Variants in TCF4 observed in about 807,000 individuals in gnomAD.
The protein encoded by TCF4 is transcription factor 4, also known as SL3-3 enhancer factor 2.
A neutral mutation model predicts 82.1 loss-of-function variants in TCF4; 3 were observed. The ratio of observed to expected loss-of-function variants is 0.04; its 90% CI spans 0.02 to 0.09. TCF4 has a LOEUF of 0.09. Among genes scored for constraint, TCF4 ranks in the 10% least tolerant of loss-of-function variants. TCF4 has a pLI of 1.00. For missense variants in TCF4, 518 were observed against 852.7 expected (o/e 0.61, Z 4.89); for synonymous variants, 276 against 309.6 (o/e 0.89, Z 1.14).
chr18:55,229,198 G>T, intron 17 of TCF4, 122 bp from the exon 18 acceptor site: 1 of 1,055,252 alleles, frequency 9.5e-7, no homozygotes, highest in South Asian at 1.3e-5. Context: ...GTTTTTGGCA[G>T]AATTTTTATA....
intron 5 of TCF4, among the ~76,000 whole-genome samples, chr18:55,406,126 CTTTTTTTTTT>C (rs34522468): frequency 8.6e-6 from 1 of 116,100 alleles, no homozygotes; most frequent in Admixed American, 9.0e-5. Context: ...GGGAGGTGGA[CTTTTTTTTTT>C]TTTTTTTTTT....
chr18:55,459,127 T>A (rs781112900), intron 5 of TCF4, among the ~76,000 whole-genome samples: 15 of 152,174 alleles, frequency 9.9e-5, no homozygotes, highest in Non-Finnish European at 2.1e-4. Flanking sequence ...TGTCTTGGTC[T>A]CCATATTTAA....
At chr18:55,366,374 TAATC>T (rs772592955) in intron 6 of TCF4, among the ~76,000 whole-genome samples, 8 of 152,208 alleles carry the variant, frequency 5.3e-5, no homozygotes, top group Non-Finnish European at 1.0e-4. Context: ...ATAGAAATAA[TAATC>T]TATATATACA....
chr18:55,233,992 A>G (rs2048639614), intron 16 of TCF4, among the ~76,000 whole-genome samples: 1 of 151,972 alleles, frequency 6.6e-6, no homozygotes, highest in South Asian at 2.1e-4. Context: ...GGGACTGAGA[A>G]GATGTTATCT....
intron 3 of TCF4, among the ~76,000 whole-genome samples, chr18:55,479,536 A>C (rs2096375761): frequency 6.6e-6 from 1 of 152,212 alleles, no homozygotes; most frequent in African/African-American, 2.4e-5. Flanking sequence ...GATTTGGCCA[A>C]TAAAATGTGA....
chr18:55,283,024 C>A (rs911281782), intron 8 of TCF4, among the ~76,000 whole-genome samples: 1 of 152,056 alleles, frequency 6.6e-6, no homozygotes, highest in African/African-American at 2.4e-5. Context: ...ACTAGTAACA[C>A]AGTATATTTA....
chr18:55,580,611 G>A (rs1388178593), intron 3 of TCF4, among the ~76,000 whole-genome samples: 2 of 152,050 alleles, frequency 1.3e-5, no homozygotes, highest in Middle Eastern at 3.4e-3. Context: ...TAATGGATAT[G>A]GTTGACATCA....
intron 8 of TCF4, among the ~76,000 whole-genome samples, chr18:55,345,726 T>A (rs1423460668): frequency 6.6e-6 from 1 of 152,172 alleles, no homozygotes; most frequent in Admixed American, 6.6e-5. Flanking sequence ...ACTTCCAGAC[T>A]TTCCTAAAAA....
intron 3 of TCF4, among the ~76,000 whole-genome samples, chr18:55,490,285 G>A (rs1353757669): frequency 6.6e-6 from 1 of 152,000 alleles, no homozygotes; most frequent in Non-Finnish European, 1.5e-5. Context: ...TATTTATTTA[G>A]ATATATTTAT....
intron 2 of TCF4, among the ~76,000 whole-genome samples, chr18:55,614,160 G>A (rs953671632): frequency 9.9e-5 from 15 of 152,148 alleles, no homozygotes; most frequent in African/African-American, 3.1e-4. Flanking sequence ...CTTCCAATGT[G>A]CGGGGACTAC....
chr18:55,629,585 C>G (rs1204325923), intron 2 of TCF4, among the ~76,000 whole-genome samples: 1 of 152,096 alleles, frequency 6.6e-6, no homozygotes, highest in East Asian at 1.9e-4. Flanking sequence ...AACTCAGAAC[C>G]CGGGTGAGTG....
chr18:55,532,456 G>C (rs953052131), intron 3 of TCF4, among the ~76,000 whole-genome samples: 8 of 152,162 alleles, frequency 5.3e-5, no homozygotes, highest in African/African-American at 1.9e-4. Flanking sequence ...ATTTCTTTTG[G>C]AAGGCTGGTA....
In TCF4 at chr18:55,448,723, G is replaced by A. The variant is rs1481062642; in HGVS notation, c.304+12296C>T. ...TAGTTACTACAGTTGTAGAGATAGT[G>A]AGTACTCTCTCTTATTCTGCTCTGT... On this transcript the variant is annotated intron_variant, in intron 5 of 19. Coordinates refer to ENST00000354452, the MANE Select transcript of TCF4 (RefSeq NM_001083962.2). 2.6e-5 allele frequency among the ~76,000 whole-genome samples: 4 copies of A among 152,212 alleles called. 1 individual carries two copies. The highest frequency in any genetic ancestry group is 6.3e-3 in the Middle Eastern group (2 of 316).
At chr18:55,427,033 T>C (rs1481139090) in intron 5 of TCF4, among the ~76,000 whole-genome samples, 1 of 152,202 alleles carries the variant, frequency 6.6e-6, no homozygotes, top group African/African-American at 2.4e-5. Flanking sequence ...AACACTATTT[T>C]GCATGAAGAT....
chr18:55,412,656 T>G (rs982549236), intron 5 of TCF4, among the ~76,000 whole-genome samples: 1 of 152,158 alleles, frequency 6.6e-6, no homozygotes, highest in East Asian at 1.9e-4. Flanking sequence ...TCCGGTCCTT[T>G]CCCTTTCATT....
chr18:55,452,872 T>C (rs1205038140), intron 5 of TCF4, among the ~76,000 whole-genome samples: 2 of 152,220 alleles, frequency 1.3e-5, no homozygotes, highest in Non-Finnish European at 2.9e-5. Flanking sequence ...CAGTATCTTT[T>C]TTCCTACTCC....
chr18:55,617,180 C>G (rs1464290094), intron 2 of TCF4, among the ~76,000 whole-genome samples: 1 of 152,044 alleles, frequency 6.6e-6, no homozygotes, highest in Non-Finnish European at 1.5e-5. Flanking sequence ...TTCTCGACAT[C>G]ATTTGTTGAA....
intron 15 of TCF4, among the ~76,000 whole-genome samples, chr18:55,253,099 A>C (rs2055734147): frequency 6.6e-6 from 1 of 152,168 alleles, no homozygotes; most frequent in South Asian, 2.1e-4. Flanking sequence ...CACATTTTAG[A>C]TGTGAGTTCG....
chr18:55,264,548 A>G (rs1476553110), intron 11 of TCF4: 3 of 151,922 alleles, frequency 2.0e-5, no homozygotes, highest in East Asian at 3.8e-4. Context: ...AACAAAGGGT[A>G]TAACTGGAAA....
Sources: allele counts gnomAD v4.1 joint callset (sites outside exome capture counted in the v4.1 genomes callset), GRCh38; gene constraint gnomAD v4.1.1; transcripts MANE v1.5; gene names NCBI Gene and HGNC (gene_info 2026-07-23, HGNC 2026-07-21).